Variants in AK9 observed in about 807,000 individuals in gnomAD.
AK9 encodes the protein adenylate kinase domain containing 1.
In AK9, 191 loss-of-function variants were observed where a neutral mutation model predicts 239.6. That is an observed-to-expected ratio of 0.80 (90% CI 0.71 to 0.90). AK9 has a LOEUF of 0.90. Ranked by LOEUF, AK9 falls within the 40% of genes least tolerant of loss-of-function variation. The probability of loss-of-function intolerance (pLI) is 0.00; values close to 1 mark genes in which losing one functional copy is unlikely to be tolerated. For synonymous variants in AK9, 689 were observed against 721.0 expected, an observed-to-expected ratio of 0.96 and a Z score of 0.71; for missense variants, 1,995 against 2,214.7, an observed-to-expected ratio of 0.90 and a Z score of 1.99.
chr6:109,647,259 G>A (rs533138979), intron 8 of AK9, among the ~76,000 whole-genome samples: 208 of 152,292 alleles, frequency 1.4e-3, no homozygotes, highest in Non-Finnish European at 2.6e-3. Flanking sequence ...AAATGTAAAT[G>A]GGCTAAATGC....
chr6:109,602,971 G>C (rs985962095), intron 17 of AK9, among the ~76,000 whole-genome samples: 1 of 152,124 alleles, frequency 6.6e-6, no homozygotes, highest in African/African-American at 2.4e-5. Context: ...TTAGCCATTC[G>C]TCTAATCTTT....
chr6:109,589,322 T>C (rs1359954248), intron 17 of AK9, among the ~76,000 whole-genome samples: 2 of 152,206 alleles, frequency 1.3e-5, no homozygotes, highest in African/African-American at 4.8e-5. Context: ...CTGGGTATTT[T>C]ATTATTTTCA....
At chr6:109,653,612 A>G (rs902316136) in intron 8 of AK9, among the ~76,000 whole-genome samples, 1 of 152,132 alleles carries the variant, frequency 6.6e-6, no homozygotes, top group African/African-American at 2.4e-5. Context: ...TCAGCAAGAT[A>G]AAATATTTTT....
chr6:109,654,426 G>C (rs1004895237), intron 8 of AK9, among the ~76,000 whole-genome samples: 4 of 151,836 alleles, frequency 2.6e-5, no homozygotes, highest in African/African-American at 9.7e-5. Flanking sequence ...CTGTCTCCTG[G>C]GTTCAAGTGA....
chr6:109,604,612 C>T (rs956560031), intron 17 of AK9, among the ~76,000 whole-genome samples: 1 of 152,152 alleles, frequency 6.6e-6, no homozygotes, highest in Non-Finnish European at 1.5e-5. Context: ...ACCATTTTAG[C>T]ATTACAACAT....
chr6:109,574,414 GT>G (rs1333711535), intron 20 of AK9, among the ~76,000 whole-genome samples: 1 of 151,958 alleles, frequency 6.6e-6, no homozygotes, highest in Admixed American at 6.6e-5. Flanking sequence ...CTAGTAGCCG[GT>G]TTAATAACTA....
chr6:109,634,531 T>C lies in AK9; in HGVS notation c.934-1208A>G, dbSNP rs117162054. ...CACATGATATATGCTTGCTTCAGAGTTGACTATGCAATGCAGATGAGATTG... is the reference window on the plus strand; with the variant it reads ...CACATGATATATGCTTGCTTCAGAGCTGACTATGCAATGCAGATGAGATTG... On this transcript the variant is annotated intron_variant, in intron 10 of 40. Coordinates refer to ENST00000424296, the MANE Select transcript of AK9 (RefSeq NM_001145128.3). Among the ~76,000 whole-genome samples, 17 of 152,200 alleles carry C rather than the reference T, an allele frequency of 1.1e-4. No individual in the cohort carries two copies. The East Asian group carries it at 3.3e-3, about 29-fold the overall frequency.
At chr6:109,512,561 T>TA (rs1778862926) in intron 32 of AK9, among the ~76,000 whole-genome samples, 2 of 152,230 alleles carry the variant, frequency 1.3e-5, no homozygotes, top group African/African-American at 4.8e-5. Context: ...AAGAACTTTA[T>TA]AAAGCCAAAA....
In AK9 at chr6:109,516,518, T is replaced by C; in HGVS notation, c.3758A>G (p.Glu1253Gly). 6.4e-7 allele frequency: 1 copy of C among 1,551,792 alleles called. No individual in the cohort carries two copies. The highest frequency in any genetic ancestry group is 2.4e-5 in the East Asian group (1 of 40,900). The change falls in exon 30 of 41, where the codon GAA (glutamate) becomes GGA (glycine). Residue 1253 changes from glutamate to glycine, a missense_variant. By Grantham distance (98) the Glu-to-Gly change is moderately conservative. Coordinates refer to ENST00000424296, the MANE Select transcript of AK9 (RefSeq NM_001145128.3). Reference sequence around the variant, plus strand: ...CTCAATTGCATCAGTTTCCTGTTCTTCATCTTCCTCGCCACTCATCTCTTC... The same window carrying C: ...CTCAATTGCATCAGTTTCCTGTTCTCCATCTTCCTCGCCACTCATCTCTTC... ...DEEEMSGEEDEEQETDAIERL... is the reference protein window; with the variant it reads ...DEEEMSGEEDGEQETDAIERL...
intron 10 of AK9, 24 bp from the exon 11 acceptor site, chr6:109,633,347 A>G (rs1197014884): frequency 6.3e-7 from 1 of 1,581,004 alleles, no homozygotes; most frequent in Non-Finnish European, 8.5e-7. Context: ...ATACTACATT[A>G]AAAATATGGG....
chr6:109,500,694 G>C (rs1777521031), intron 35 of AK9, among the ~76,000 whole-genome samples: 1 of 152,118 alleles, frequency 6.6e-6, no homozygotes, highest in South Asian at 2.1e-4. Flanking sequence ...AGAAATGTTG[G>C]ATAATTCAGA....
chr6:109,639,369 T>C (rs1248049681), intron 10 of AK9, among the ~76,000 whole-genome samples: 3 of 152,238 alleles, frequency 2.0e-5, no homozygotes, highest in African/African-American at 4.8e-5. Flanking sequence ...TGGTATCTCA[T>C]TGTGGTTTTG....
chr6:109,641,083 A>G (rs1797361812), intron 10 of AK9, among the ~76,000 whole-genome samples: 1 of 150,816 alleles, frequency 6.6e-6, no homozygotes, highest in African/African-American at 2.4e-5. Flanking sequence ...CCTAGAAATC[A>G]CATCCATTTT....
At chr6:109,669,590 AGCATGAAGG>A (rs1801780113) in intron 5 of AK9, among the ~76,000 whole-genome samples, 1 of 152,192 alleles carries the variant, frequency 6.6e-6, no homozygotes, top group Non-Finnish European at 1.5e-5. Context: ...GAGAGTTTTT[AGCATGAAGG>A]GCTGTTGAAT....
intron 12 of AK9, among the ~76,000 whole-genome samples, chr6:109,620,861 A>C (rs1473220831): frequency 1.3e-5 from 2 of 151,426 alleles, no homozygotes; most frequent in East Asian, 3.9e-4. Context: ...ATATATATAC[A>C]TATACAAACA....
At chr6:109,582,916 C>T (rs954976975) in intron 19 of AK9, among the ~76,000 whole-genome samples, 10 of 152,278 alleles carry the variant, frequency 6.6e-5, no homozygotes, top group Admixed American at 5.9e-4. Context: ...CAGCAGCCAA[C>T]AACACTGAGG....
At chr6:109,578,265 C>T (rs1448531112) in intron 20 of AK9, among the ~76,000 whole-genome samples, 13 of 151,036 alleles carry the variant, frequency 8.6e-5, no homozygotes, top group Admixed American at 3.3e-4. Flanking sequence ...GCTGGGGTTT[C>T]GCCATGTTGG....
At chr6:109,580,605 G>A (rs1269670019) in intron 19 of AK9, among the ~76,000 whole-genome samples, 1 of 152,114 alleles carries the variant, frequency 6.6e-6, no homozygotes, top group Non-Finnish European at 1.5e-5. Flanking sequence ...CGCGTTCTTT[G>A]CATCCATTTT....
In AK9 at chr6:109,545,893, C is replaced by T; in HGVS notation, c.3199G>A (p.Val1067Ile). 3.8e-6 allele frequency: 6 copies of T among 1,599,640 alleles called. No individual in the cohort carries two copies. Among genetic ancestry groups the T allele is most frequent in the Non-Finnish European group, 5.1e-6 (6 of 1,176,312 alleles). Residue 1067 changes from valine (V) to isoleucine (I), a missense_variant, in exon 26 of 41, where the codon GTT becomes ATT. This residue lies in a region of AK9 where 1,290 missense variants were observed against 1,392.7 expected (regional missense o/e 0.93). Coordinates refer to ENST00000424296, the MANE Select transcript of AK9 (RefSeq NM_001145128.3). Reference sequence around the variant, plus strand: ...TGCTTTTTTGTATTTTCTTCCTCAACTTTGACATTGGCCTGAATTGCAAGC... The same window carrying T: ...TGCTTTTTTGTATTTTCTTCCTCAATTTTGACATTGGCCTGAATTGCAAGC... ...EELAIQANVK[V>I]EEENTKKQLP...
Sources: allele counts gnomAD v4.1 joint callset (sites outside exome capture counted in the v4.1 genomes callset), GRCh38; gene constraint gnomAD v4.1.1; regional missense constraint gnomAD v4.1.1; transcripts MANE v1.5; gene names NCBI Gene and HGNC (gene_info 2026-07-23, HGNC 2026-07-21).